The following TNFSF4 variants were observed in gnomAD, a reference collection of about 807,000 sequenced individuals.
TNFSF4 encodes TNF superfamily member 4, also known as tumor necrosis factor ligand superfamily member 4.
A neutral mutation model predicts 7.3 loss-of-function variants in TNFSF4; 4 were observed. The observed-to-expected ratio is 0.55, with a 90% CI of 0.27 to 1.25. The LOEUF is 1.25. TNFSF4 is among the 50% of genes most tolerant of loss of function. The pLI is 0.12. For synonymous variants in TNFSF4, 76 were observed against 83.7 expected (o/e 0.91, Z 0.50); for missense variants, 181 against 208.8 (o/e 0.87, Z 0.82).
the TNFSF4 span, among the ~76,000 whole-genome samples, chr1:173,319,830 C>A: frequency 2.6e-5 from 4 of 152,130 alleles, no homozygotes; most frequent in South Asian, 4.1e-4. Flanking sequence ...AAGACCCCCC[C>A]ACAAAAACCC....
At position 173,186,836 on chromosome 1, in the gene TNFSF4, T is replaced by C. The variant is rs760798466; in HGVS notation, c.232A>G (p.Thr78Ala). 3 of 1,607,146 alleles carry C rather than the reference T, an allele frequency of 1.9e-6. No homozygotes were observed. The highest frequency in any genetic ancestry group is 2.6e-6 in the Non-Finnish European group (3 of 1,176,332). ...ATGATTTCATCCTCCTTTTGGGAAGTGAGGATGAAACCTTTCTCCTTCTTA... is the reference window on the plus strand; with the variant it reads ...ATGATTTCATCCTCCTTTTGGGAAGCGAGGATGAAACCTTTCTCCTTCTTA... ...EYKKEKGFIL[T>A]SQKEDEIMKV... The change falls in exon 3 of 3, where the codon ACT becomes GCT. Residue 78 changes from threonine (T) to alanine (A), a missense_variant. Coordinates refer to ENST00000281834, the MANE Select transcript of TNFSF4 (RefSeq NM_003326.5).
At chr1:173,289,355 T>C in the TNFSF4 span, among the ~76,000 whole-genome samples, 4 of 152,140 alleles carry the variant, frequency 2.6e-5, no homozygotes, top group Admixed American at 6.6e-5. Flanking sequence ...AGTTAATGAA[T>C]GCTATCTTGA....
chr1:173,236,355 C>T, the TNFSF4 span, among the ~76,000 whole-genome samples: 2 of 151,388 alleles, frequency 1.3e-5, no homozygotes, highest in African/African-American at 2.4e-5. Context: ...AAGTTAAGTG[C>T]CTAGGAATTC....
the TNFSF4 span, among the ~76,000 whole-genome samples, chr1:173,228,552 G>A: frequency 6.6e-5 from 10 of 152,178 alleles, no homozygotes; most frequent in South Asian, 2.1e-4. Flanking sequence ...ACAGCTCCTC[G>A]CCAGCAATGG....
chr1:173,402,460 A>C, the TNFSF4 span, among the ~76,000 whole-genome samples: 1 of 152,212 alleles, frequency 6.6e-6, no homozygotes, highest in Admixed American at 6.5e-5. Flanking sequence ...TAATAATTTC[A>C]GATTTTGAAG....
At chr1:173,428,558 A>G in the TNFSF4 span, among the ~76,000 whole-genome samples, 1 of 152,248 alleles carries the variant, frequency 6.6e-6, no homozygotes, top group African/African-American at 2.4e-5. Flanking sequence ...AAAATTGTGC[A>G]TATGCATTTA....
the TNFSF4 span, among the ~76,000 whole-genome samples, chr1:173,439,746 T>C: frequency 6.6e-6 from 1 of 152,176 alleles, no homozygotes; most frequent in South Asian, 2.1e-4. Context: ...GGCTTGCTTG[T>C]GACCAGAAGG....
At chr1:173,244,667 CAA>C in the TNFSF4 span, among the ~76,000 whole-genome samples, 5 of 134,814 alleles carry the variant, frequency 3.7e-5, no homozygotes, top group Admixed American at 2.2e-4. Context: ...ACAAAAAAAA[CAA>C]AAAAAAAACA....
the TNFSF4 span, among the ~76,000 whole-genome samples, chr1:173,218,006 G>T: frequency 6.6e-6 from 1 of 152,046 alleles, no homozygotes; most frequent in Non-Finnish European, 1.5e-5. Flanking sequence ...GCCTCAGCCT[G>T]CCAAAGTGTT....
the TNFSF4 span, among the ~76,000 whole-genome samples, chr1:173,309,999 T>G: frequency 6.6e-6 from 1 of 151,906 alleles, no homozygotes; most frequent in Non-Finnish European, 1.5e-5. Context: ...GAGATTTTAA[T>G]GACTGTCAGT....
chr1:173,226,159 A>C, the TNFSF4 span, among the ~76,000 whole-genome samples: 1 of 152,092 alleles, frequency 6.6e-6, no homozygotes, highest in African/African-American at 2.4e-5. Context: ...TCACACAATA[A>C]TTTTTTGCAT....
At chr1:173,373,161 G>T in the TNFSF4 span, among the ~76,000 whole-genome samples, 1 of 152,206 alleles carries the variant, frequency 6.6e-6, no homozygotes, top group South Asian at 2.1e-4. Context: ...CCTAACCTCT[G>T]GGGGAACCCC....
At chr1:173,264,395 A>G in the TNFSF4 span, among the ~76,000 whole-genome samples, 3 of 149,504 alleles carry the variant, frequency 2.0e-5, no homozygotes, top group Admixed American at 6.7e-5. Context: ...CCTGGGCCCA[A>G]GTGATTCTCC....
the TNFSF4 span, among the ~76,000 whole-genome samples, chr1:173,238,273 T>C: frequency 6.6e-6 from 1 of 152,122 alleles, no homozygotes; most frequent in Non-Finnish European, 1.5e-5. Flanking sequence ...AAGACCTAAA[T>C]GCAAAACTTA....
At chr1:173,224,373 C>A in the TNFSF4 span, among the ~76,000 whole-genome samples, 4 of 152,116 alleles carry the variant, frequency 2.6e-5, no homozygotes, top group African/African-American at 9.7e-5. Context: ...TAATTTAATC[C>A]CTGCAGAGTG....
the TNFSF4 span, among the ~76,000 whole-genome samples, chr1:173,421,006 T>C: frequency 0.8 from 120,984 of 152,132 alleles, 48,166 homozygotes; most frequent in South Asian, 0.88. Flanking sequence ...TCACTACTTA[T>C]AGTTATGTGT....
the TNFSF4 span, among the ~76,000 whole-genome samples, chr1:173,445,109 A>G: frequency 3.9e-5 from 6 of 152,216 alleles, no homozygotes; most frequent in Admixed American, 3.9e-4. Context: ...AAAAGAATAT[A>G]AAAGAAAGTA....
At chr1:173,345,274 T>C in the TNFSF4 span, among the ~76,000 whole-genome samples, 1 of 152,256 alleles carries the variant, frequency 6.6e-6, no homozygotes, top group African/African-American at 2.4e-5. Flanking sequence ...AGAAGTTTTC[T>C]GGAAAACATT....
chr1:173,379,785 G>A, the TNFSF4 span, among the ~76,000 whole-genome samples: 1 of 152,110 alleles, frequency 6.6e-6, no homozygotes, highest in African/African-American at 2.4e-5. Context: ...CACCCAGTAG[G>A]GCTTGTTATC....
Sources: allele counts gnomAD v4.1 joint callset (sites outside exome capture counted in the v4.1 genomes callset), GRCh38; gene constraint gnomAD v4.1.1; transcripts MANE v1.5; gene names NCBI Gene and HGNC (gene_info 2026-07-23, HGNC 2026-07-21).